Variants in ZNF606 observed in about 807,000 individuals in gnomAD.
ZNF606 encodes zinc finger protein 328.
ZNF606 carries 37 observed loss-of-function variants against 74.9 expected under a neutral mutation model. The observed-to-expected ratio is 0.49, with a 90% CI of 0.38 to 0.65. The LOEUF is 0.65. ZNF606 is among the 30% of genes least tolerant of loss of function. The pLI is 0.00. For synonymous variants in ZNF606, 328 were observed against 312.4 expected, an observed-to-expected ratio of 1.05 and a Z score of -0.53; for missense variants, 852 against 952.9, an observed-to-expected ratio of 0.89 and a Z score of 1.39.
At chr19:57,983,246 A>G (rs2073114333) in intron 6 of ZNF606, among the ~76,000 whole-genome samples, 1 of 152,168 alleles carries the variant, frequency 6.6e-6, no homozygotes. Flanking sequence ...CTATGTGAAG[A>G]GAGATCCTAC....
At position 57,999,832 on chromosome 19, in the gene ZNF606, A is replaced by T. The variant is rs757715584; in HGVS notation, c.153T>A (p.Thr51=). Residue 51 remains threonine, a synonymous_variant, in exon 4 of 7, where the codon ACT becomes ACA. Transcript: ENST00000551380. The part of the protein sequence containing the change: ...EGSLEEGRRA[T]GLPAAQVQEP... The stretch of plus-strand genomic sequence containing the variant: ...CCTGAACCTGGGCTGCTGGGAGCCC[A>T]GTGGCCCTCCTCCCCTCCTCCAGGC... 1 of 1,614,074 alleles carries T rather than the reference A, an allele frequency of 6.2e-7. No individual in the cohort carries two copies. Among genetic ancestry groups the T allele is most frequent in the Non-Finnish European group, 8.5e-7 (1 of 1,180,016 alleles).
At chr19:57,990,216 T>A (rs1468510025) in intron 4 of ZNF606, among the ~76,000 whole-genome samples, 1 of 150,124 alleles carries the variant, frequency 6.7e-6, no homozygotes, top group African/African-American at 2.5e-5. Context: ...TACAAAAAAA[T>A]TAGCCAGGCG....
chr19:57,997,413 T>A (rs941399672), intron 4 of ZNF606: 2 of 152,206 alleles, frequency 1.3e-5, no homozygotes, highest in African/African-American at 4.8e-5. Context: ...ACCAGATAAA[T>A]GCTTTATTTC....
intron 3 of ZNF606, 112 bp from the exon 4 acceptor site, chr19:58,000,008 AC>A: frequency 1.2e-6 from 1 of 853,940 alleles, no homozygotes; most frequent in South Asian, 1.8e-5. Context: ...GAGGAAAGAG[AC>A]CCACTTCCTC....
intron 4 of ZNF606, among the ~76,000 whole-genome samples, chr19:57,990,539 C>CA (rs1028844010): frequency 0.026 from 1,318 of 51,490 alleles, 24 homozygotes; most frequent in African/African-American, 0.053. Flanking sequence ...AACCCAGTCT[C>CA]AAAAAAAAAA....
chr19:58,000,096 C>T, intron 3 of ZNF606, 200 bp from the exon 4 acceptor site: 1 of 576,156 alleles, frequency 1.7e-6, no homozygotes, highest in Non-Finnish European at 3.1e-6. Flanking sequence ...ATTGGCCCCC[C>T]CTGTGCTATT....
chr19:57,999,251 A>G, intron 4 of ZNF606: 1 of 153,378 alleles, frequency 6.5e-6, no homozygotes, highest in Non-Finnish European at 1.5e-5. Flanking sequence ...GTAAAAGCTG[A>G]GCTCCACACA....
Position 57,979,760 on chromosome 19 carries a change from T to C in ZNF606, c.920A>G (p.His307Arg), listed in dbSNP as rs369766902. Residue 307 changes from histidine (H) to arginine (R), a missense_variant, in exon 7 of 7, where the codon CAT (histidine) becomes CGT (arginine). Physicochemically the swap from His to Arg is conservative, Grantham distance 29. Transcript: ENST00000551380. ...TTTTTCTCCTGTGTGAATTCCTTTA[T>C]GATCACCAAAATGTATTATATGATT... Reference protein sequence around the residue: ...SFNHIIHFGDHKGIHTGEKLY... With the variant: ...SFNHIIHFGDRKGIHTGEKLY... 26 of 1,613,430 alleles carry C rather than the reference T, an allele frequency of 1.6e-5. No homozygotes were observed. The Middle Eastern group carries it at 4.9e-4, about 31-fold the overall frequency.
intron 4 of ZNF606, among the ~76,000 whole-genome samples, chr19:57,990,449 A>AAAGCT (rs2073240792): frequency 6.8e-6 from 1 of 147,104 alleles, no homozygotes; most frequent in Admixed American, 6.9e-5. Context: ...AAGAAGTGGG[A>AAAGCT]GGATAGCTTG....
In ZNF606 at chr19:57,979,728, C is replaced by T. The variant is rs2073052326; in HGVS notation, c.952G>A (p.Glu318Lys). ...KGIHTGEKLY[E>K]YKECHQIFNQ... ...AAGATTTGATGGCATTCCTTATATT[C>T]ATAGAGTTTTTCTCCTGTGTGAATT... The change falls in exon 7 of 7, where the codon GAA (glutamate) becomes AAA (lysine). Residue 318 changes from glutamate (E) to lysine (K), a missense_variant. Physicochemically the swap from Glu to Lys is moderately conservative, Grantham distance 56. Around this residue, in one of 3 missense-constraint regions of ZNF606, gnomAD observed 545 missense variants for 542.5 expected, o/e 1.00. Coordinates refer to ENST00000551380, the MANE Select transcript of ZNF606 (RefSeq NM_001348022.3). 16 of 1,613,354 alleles carry T rather than the reference C, an allele frequency of 9.9e-6. No individual in the cohort carries two copies. Among genetic ancestry groups the T allele is most frequent in the Non-Finnish European group, 1.3e-5 (15 of 1,179,866 alleles).
At chr19:57,988,457 C>T (rs2073198608) in intron 5 of ZNF606, 138 bp downstream of exon 5, 2 of 1,419,504 alleles carry the variant, frequency 1.4e-6, no homozygotes, top group Non-Finnish European at 1.9e-6. Context: ...GGAGTTTCAT[C>T]CCTGAACCTC....
chr19:57,998,380 T>G (rs1285793240), intron 4 of ZNF606: 1 of 152,114 alleles, frequency 6.6e-6, no homozygotes, highest in African/African-American at 2.4e-5. Flanking sequence ...TACATTACAT[T>G]AAAAGAAATA....
At chr19:57,991,359 G>A (rs1027428839) in intron 4 of ZNF606, among the ~76,000 whole-genome samples, 1 of 152,154 alleles carries the variant, frequency 6.6e-6, no homozygotes, top group Non-Finnish European at 1.5e-5. Flanking sequence ...GCATTTGGAA[G>A]TGCTGGCCAC....
At chr19:57,997,700 CATG>C (rs1193761356) in intron 4 of ZNF606, 4 of 152,184 alleles carry the variant, frequency 2.6e-5, no homozygotes, top group African/African-American at 7.2e-5. Context: ...CAGAGTGTAG[CATG>C]GTGGTTAACA....
chr19:57,980,671 T>C (rs1231087606), intron 6 of ZNF606, among the ~76,000 whole-genome samples: 2 of 151,908 alleles, frequency 1.3e-5, no homozygotes, highest in East Asian at 3.9e-4. Context: ...CTGTCTCTAC[T>C]AAAAATACAA....
intron 4 of ZNF606, among the ~76,000 whole-genome samples, chr19:57,994,786 T>C (rs967836072): frequency 1.3e-5 from 2 of 152,174 alleles, no homozygotes; most frequent in Non-Finnish European, 2.9e-5. Context: ...TAATGTCAAG[T>C]GTCGACAAAC....
intron 4 of ZNF606, among the ~76,000 whole-genome samples, chr19:57,996,768 AC>A (rs1202875795): frequency 6.6e-6 from 1 of 152,174 alleles, no homozygotes; most frequent in Admixed American, 6.5e-5. Context: ...TCCACAGGTC[AC>A]CCTCATGAGC....
intron 4 of ZNF606, among the ~76,000 whole-genome samples, chr19:57,996,254 C>G (rs1407349641): frequency 6.6e-6 from 1 of 152,174 alleles, no homozygotes; most frequent in Non-Finnish European, 1.5e-5. Flanking sequence ...GTAATCCCAG[C>G]ATTTTGAGAG....
upstream of ZNF606, chr19:58,002,834 G>A (rs1240051286): frequency 2.2e-6 from 1 of 446,582 alleles, no homozygotes; most frequent in African/African-American, 2.0e-5. Flanking sequence ...GCGCGCCGCG[G>A]GGTCTGCTGG....
Sources: allele counts gnomAD v4.1 joint callset (sites outside exome capture counted in the v4.1 genomes callset), GRCh38; gene constraint gnomAD v4.1.1; regional missense constraint gnomAD v4.1.1; transcripts MANE v1.5; gene names NCBI Gene and HGNC (gene_info 2026-07-23, HGNC 2026-07-21).